The following BEST3 variants were observed in gnomAD, a reference collection of about 807,000 sequenced individuals.
The protein encoded by BEST3 is bestrophin-3.
In BEST3, 50 loss-of-function variants were observed where a neutral mutation model predicts 47.1. The ratio of observed to expected loss-of-function variants is 1.06; its 90% CI spans 0.85 to 1.34. The LOEUF is 1.34. BEST3 is among the 40% of genes most tolerant of loss of function. BEST3 has a pLI of 0.00. For synonymous variants in BEST3, 282 were observed against 298.8 expected, an observed-to-expected ratio of 0.94 and a Z score of 0.58; for missense variants, 765 against 817.0, an observed-to-expected ratio of 0.94 and a Z score of 0.78.
At position 69,670,318 on chromosome 12, in the gene BEST3, C is replaced by T. The variant is rs1019069763; in HGVS notation, c.1100+1110G>A. On this transcript the variant is annotated intron_variant, in intron 9 of 9. Transcript: ENST00000330891. ...GGTGGGTCTGGTCTTAGAAGGCTAG[C>T]TAGAAGCAGAAGCAAATCTAGCCTG... is the stretch of plus-strand genomic sequence containing the variant. 4 of 633,072 alleles carry T rather than the reference C, an allele frequency of 6.3e-6. No individual in the cohort carries two copies. In the African/African-American group the frequency reaches 7.2e-5, roughly 11 times the overall value. 39.2% of individuals were successfully genotyped at this position (633,072 alleles called of 1,614,324 possible). A position where few individuals can be genotyped will look rare whatever the true frequency, so the allele number is the denominator to read the frequency against.
intron 8 of BEST3, 46 bp from the exon 9 acceptor site, chr12:69,671,625 A>G (rs751415568): frequency 6.3e-7 from 1 of 1,594,892 alleles, no homozygotes; most frequent in Non-Finnish European, 8.6e-7. Flanking sequence ...TGTAAATTAA[A>G]TAAAAAGGAG....
chr12:69,672,762 G>A, intron 8 of BEST3, 123 bp downstream of exon 8: 1 of 678,508 alleles, frequency 1.5e-6, no homozygotes, highest in East Asian at 2.7e-5. Context: ...GCACAGCCAA[G>A]CCTCTTTCAT....
downstream of BEST3, among the ~76,000 whole-genome samples, chr12:69,652,505 G>A (rs1473168918): frequency 6.6e-6 from 1 of 152,022 alleles, no homozygotes; most frequent in East Asian, 1.9e-4. Context: ...TCAACCACAC[G>A]GGCTCATTGA....
At chr12:69,689,712 C>G (rs1302596630) in intron 4 of BEST3, among the ~76,000 whole-genome samples, 2 of 152,172 alleles carry the variant, frequency 1.3e-5, no homozygotes, top group Non-Finnish European at 2.9e-5. Flanking sequence ...CTTCTCCCTT[C>G]ATCCGCTTCA....
intron 9 of BEST3, among the ~76,000 whole-genome samples, chr12:69,662,940 C>T (rs987525010): frequency 5.9e-5 from 9 of 152,338 alleles, no homozygotes; most frequent in African/African-American, 2.2e-4. Flanking sequence ...TGATCCATTT[C>T]ATAAGCAGTT....
chr12:69,656,356 T>TGA (rs2135913191), intron 9 of BEST3, among the ~76,000 whole-genome samples: 1 of 127,750 alleles, frequency 7.8e-6, no homozygotes, highest in African/African-American at 2.8e-5. Context: ...TATATATCTA[T>TGA]ATCTATGAAT....
At chr12:69,679,936 T>C (rs1885145474) in intron 4 of BEST3, among the ~76,000 whole-genome samples, 1 of 151,684 alleles carries the variant, frequency 6.6e-6, no homozygotes. Flanking sequence ...TGTGTGTGTG[T>C]GTAAAATGCA....
chr12:69,694,309 A>T, intron 3 of BEST3, 61 bp downstream of exon 3: 1 of 1,058,766 alleles, frequency 9.4e-7, no homozygotes, highest in Admixed American at 2.4e-5. Context: ...ATGCAGAGTC[A>T]TCGGTGTCAT....
chr12:69,657,101 A>G (rs1883551299), intron 9 of BEST3, among the ~76,000 whole-genome samples: 1 of 152,020 alleles, frequency 6.6e-6, no homozygotes, highest in South Asian at 2.1e-4. Flanking sequence ...TTAATTAGTT[A>G]ATTTATTTAT....
Position 69,657,135 on chromosome 12 carries a change from G to A in BEST3, c.1101-1322C>T, listed in dbSNP as rs181070594. 1.9e-3 allele frequency among the ~76,000 whole-genome samples: 291 copies of A among 152,052 alleles called. 2 individuals carry two copies. The highest frequency in any genetic ancestry group is 1.7e-3 in the Non-Finnish European group (116 of 67,976). On this transcript the variant is annotated intron_variant, in intron 9 of 9. Coordinates refer to ENST00000330891, the MANE Select transcript of BEST3 (RefSeq NM_032735.3). Reference sequence around the variant, plus strand: ...ATTTGAGACAGAGTCTTACTCTGTCGCCCAGGCTGGAGTGTAGTGGTGTGA... The same window carrying A: ...ATTTGAGACAGAGTCTTACTCTGTCACCCAGGCTGGAGTGTAGTGGTGTGA...
chr12:69,678,632 G>T, intron 5 of BEST3, 107 bp downstream of exon 5: 1 of 1,071,852 alleles, frequency 9.3e-7, no homozygotes, highest in Non-Finnish European at 1.4e-6. Flanking sequence ...CAGTTCCTCT[G>T]GAACCAGGAC....
intron 2 of BEST3, among the ~76,000 whole-genome samples, chr12:69,697,146 T>C (rs946476008): frequency 2.0e-5 from 3 of 152,124 alleles, no homozygotes; most frequent in Non-Finnish European, 4.4e-5. Context: ...TGAGGTACTG[T>C]TAAGTGTGGC....
chr12:69,686,771 C>CAAAAAAACAAAAAAAAAAAAAAAAAAA (rs376779536), intron 4 of BEST3, among the ~76,000 whole-genome samples: 1 of 49,848 alleles, frequency 2.0e-5, no homozygotes. Context: ...GATTCTGCCT[C>CAAAAAAACAAAAAAAAAAAAAAAAAAA]AAAAAAACAA....
chr12:69,684,503 CTT>C (rs1885441303), intron 4 of BEST3: 2 of 604,952 alleles, frequency 3.3e-6, no homozygotes, highest in Admixed American at 4.5e-5. Flanking sequence ...AGGCAGATGT[CTT>C]TTGCCTTTCA....
At chr12:69,693,263 C>CTTTTTT (rs61067334) in intron 4 of BEST3, among the ~76,000 whole-genome samples, 1 of 112,560 alleles carries the variant, frequency 8.9e-6, no homozygotes, top group Non-Finnish European at 1.8e-5. Flanking sequence ...TTTCTTTTTT[C>CTTTTTT]TTTTTTTTTT....
downstream of BEST3, among the ~76,000 whole-genome samples, chr12:69,649,593 G>A (rs1467430402): frequency 6.6e-6 from 1 of 152,140 alleles, no homozygotes; most frequent in Non-Finnish European, 1.5e-5. Context: ...CTTGATGGTT[G>A]TCTCATTTTT....
chr12:69,680,419 C>T (rs994271221), intron 4 of BEST3, among the ~76,000 whole-genome samples: 2 of 151,030 alleles, frequency 1.3e-5, no homozygotes, highest in African/African-American at 2.4e-5. Flanking sequence ...GGCCATTCTC[C>T]TGCCTCAGCC....
At chr12:69,670,519 C>T (rs1884498690) in intron 9 of BEST3, 1 of 702,754 alleles carries the variant, frequency 1.4e-6, no homozygotes, top group Admixed American at 2.0e-5. Context: ...GTGCCACAAA[C>T]CATCACTGAT....
Position 69,694,453 on chromosome 12 carries a change from G to A in BEST3, c.164C>T (p.Thr55Ile). The A allele has an allele frequency of 6.3e-7, 1 of 1,595,068 alleles. No individual in the cohort carries two copies. The highest frequency in any genetic ancestry group is 8.6e-7 in the Non-Finnish European group (1 of 1,167,812). Residue 55 changes from threonine (T) to isoleucine (I), a missense_variant, in exon 3 of 10, where the codon ACA becomes ATA. Transcript: ENST00000330891. ...AISLVYRLLL[T>I]GVQKRYFEKL... Reference sequence around the variant, plus strand: ...TTCAAAGTAACGTTTTTGGACTCCTGTAAGTAACAATCTGGAGCAAAAATA... The same window carrying A: ...TTCAAAGTAACGTTTTTGGACTCCTATAAGTAACAATCTGGAGCAAAAATA...
Sources: gnomAD v4.1 joint callset for allele counts (sites outside exome capture counted in the v4.1 genomes callset) on GRCh38, gnomAD v4.1.1 for gene constraint, MANE v1.5 for transcripts, NCBI Gene and HGNC (gene_info 2026-07-23, HGNC 2026-07-21) for gene names.